CACNA1C: variants seen among roughly 807,000 people sequenced by gnomAD.
CACNA1C encodes calcium voltage-gated channel subunit alpha1 C, also known as voltage-dependent L-type calcium channel subunit alpha-1C.
A neutral mutation model predicts 229.0 loss-of-function variants in CACNA1C; 30 were observed. The ratio of observed to expected loss-of-function variants is 0.13; its 90% CI spans 0.10 to 0.18. The LOEUF (loss-of-function observed/expected upper bound fraction) is 0.18, where lower values mean the gene tolerates loss of function less well. CACNA1C is among the 10% of genes least tolerant of loss of function. The pLI is 1.00. For synonymous variants in CACNA1C, 1,114 were observed against 1,132.5 expected (o/e 0.98, Z 0.33); for missense variants, 1,658 against 2,845.0 (o/e 0.58, Z 9.49).
chr12:2,539,012 T>C (rs1343398152), intron 9 of CACNA1C, among the ~76,000 whole-genome samples: 1 of 152,212 alleles, frequency 6.6e-6, no homozygotes. Context: ...CTGATGGGGC[T>C]GAAAAAGGCC....
intron 3 of CACNA1C, among the ~76,000 whole-genome samples, chr12:2,349,819 G>A (rs1051625459): frequency 4.6e-5 from 7 of 152,146 alleles, no homozygotes; most frequent in Non-Finnish European, 8.8e-5. Flanking sequence ...AGCACCCTCC[G>A]AAAGGGGCTC....
chr12:2,061,971 A>C (rs1039408317), intron 1 of CACNA1C, among the ~76,000 whole-genome samples: 1 of 152,232 alleles, frequency 6.6e-6, no homozygotes, highest in East Asian at 1.9e-4. Flanking sequence ...TCAAAATAGG[A>C]AAGAGCTTTA....
intron 18 of CACNA1C, among the ~76,000 whole-genome samples, chr12:2,586,132 C>T (rs543737137): frequency 6.6e-6 from 1 of 152,256 alleles, no homozygotes; most frequent in East Asian, 1.9e-4. Context: ...TTGAGCAGTG[C>T]TTTTGTGTCC....
At chr12:2,669,171 G>T (rs930045630) in intron 38 of CACNA1C, 136 bp downstream of exon 38, 2 of 698,408 alleles carry the variant, frequency 2.9e-6, no homozygotes, top group Non-Finnish European at 5.2e-6. Flanking sequence ...CGGGGGTAAC[G>T]TGCGCTCCAG....
At chr12:2,321,201 T>C (rs897881369) in intron 3 of CACNA1C, among the ~76,000 whole-genome samples, 8 of 151,290 alleles carry the variant, frequency 5.3e-5, no homozygotes, top group Non-Finnish European at 1.2e-4. Flanking sequence ...GGGCTTTTTC[T>C]GGCTTCCAAG....
chr12:2,638,350 G>A (rs75982736), intron 30 of CACNA1C, among the ~76,000 whole-genome samples: 5 of 152,000 alleles, frequency 3.3e-5, no homozygotes, highest in Non-Finnish European at 5.9e-5. Context: ...TGTGGAGATC[G>A]GGAGAAGAGG....
chr12:2,173,982 C>G (rs1015123225), intron 3 of CACNA1C, among the ~76,000 whole-genome samples: 1 of 152,048 alleles, frequency 6.6e-6, no homozygotes, highest in Non-Finnish European at 1.5e-5. Flanking sequence ...TAGCCCCCTT[C>G]CCCCTTAGAA....
rs921257588 is a variant in CACNA1C at position 2,597,170 on chromosome 12, C to A, written c.2794-60C>A. On this transcript the variant is annotated intron_variant, in intron 20 of 46. Coordinates refer to ENST00000399655, the MANE Select transcript of CACNA1C (RefSeq NM_000719.7). This position sits in a 1 kb window ranked among gnomAD's most constrained non-coding sequence, Gnocchi z 4.3. ...TGGTGAACATCCACTGACCTCTCTT[C>A]CCGTCCTGCTTTTCTCCCTTCCCCA... 1 of 1,096,802 alleles carries A rather than the reference C, an allele frequency of 9.1e-7. No individual in the cohort carries two copies. Among genetic ancestry groups the A allele is most frequent in the Non-Finnish European group, 1.4e-6 (1 of 717,658 alleles). The allele number at this position is 1,096,802 out of a possible 1,614,324, so 67.9% of individuals were successfully genotyped here. A position where few individuals can be genotyped will look rare whatever the true frequency, so the allele number is the denominator to read the frequency against.
Position 2,630,299 on chromosome 12 carries a change from C to G in CACNA1C, c.3829-3998C>G, listed in dbSNP as rs145591113. Among the ~76,000 whole-genome samples the G allele has an allele frequency of 6.1e-4, 93 of 152,264 alleles. No individual in the cohort carries two copies. Among genetic ancestry groups the G allele is most frequent in the African/African-American group, 2.0e-3 (83 of 41,550 alleles). The stretch of plus-strand genomic sequence containing the variant: ...CTTCTCCATTACACCCTTAAAACCC[C>G]TATTACTAATGGTTTCCAGCAACCG... On this transcript the variant is annotated intron_variant, in intron 29 of 46. Transcript: ENST00000399655. The surrounding 1 kb of genome is among the most constrained non-coding windows in gnomAD (Gnocchi z 5.4).
chr12:2,688,691 G>T lies in CACNA1C; in HGVS notation c.6029G>T (p.Arg2010Ile), dbSNP rs754647829. The change falls in exon 46 of 47, where the codon AGA (arginine) becomes ATA (isoleucine). Residue 2010 changes from arginine to isoleucine, a missense_variant. Physicochemically the swap from Arg to Ile is moderately conservative, Grantham distance 97. Around this residue, in one of 20 missense-constraint regions of CACNA1C, gnomAD observed 590 missense variants for 700.8 expected, o/e 0.84. Coordinates refer to ENST00000399655, the MANE Select transcript of CACNA1C (RefSeq NM_000719.7). The stretch of plus-strand genomic sequence containing the variant: ...GGCGGGGGCAGCAGCGCCGCCCGGA[G>T]AGTCCGGCCCGTCTCCCTCATGGTG... ...PGGGGSSAARRVRPVSLMVPS... is the reference protein window; with the variant it reads ...PGGGGSSAARIVRPVSLMVPS... 5.6e-6 allele frequency: 9 copies of T among 1,612,496 alleles called. No individual in the cohort carries two copies. In the African/African-American group the frequency reaches 9.3e-5, roughly 17 times the overall value.
rs1603457578 is a variant in CACNA1C, at chr12:2,682,587, CAGG to C, written c.5488_5490del (p.Glu1830del). On this transcript the variant is annotated inframe_deletion, in exon 43 of 47. Transcript: ENST00000399655. The stretch of plus-strand genomic sequence containing the variant: ...GGAGAGCCAGGCAGCCATGGCGGGT[CAGG>C]AGGAGACGTCTCAGGATGAGACCTA... The C allele has an allele frequency of 6.2e-7, 1 of 1,612,346 alleles. No homozygotes were observed. Among genetic ancestry groups the C allele is most frequent in the Admixed American group, 1.7e-5 (1 of 59,868 alleles).
chr12:2,038,807 T>C (rs1433206674), intron 1 of CACNA1C, among the ~76,000 whole-genome samples: 1 of 152,102 alleles, frequency 6.6e-6, no homozygotes, highest in Non-Finnish European at 1.5e-5. Flanking sequence ...GATGTTTTTT[T>C]CCCCATGCAA....
intron 1 of CACNA1C, among the ~76,000 whole-genome samples, chr12:1,973,364 TCTAAATAAATTAATGTTATTAGAAAG>T (rs1298355097): frequency 1.3e-5 from 2 of 152,166 alleles, no homozygotes; most frequent in Non-Finnish European, 2.9e-5. Context: ...ACCTCCCCTT[TCTAAATAAATTAATGTTATTAGAAAG>T]TTAATGCCAT....
intron 5 of CACNA1C, among the ~76,000 whole-genome samples, chr12:2,461,499 C>A (rs529148974): frequency 1.4e-3 from 206 of 152,274 alleles, no homozygotes; most frequent in Non-Finnish European, 2.3e-3. Flanking sequence ...TAAATATAAT[C>A]TATGTATCTT....
At chr12:2,079,296 T>A (rs1028384052) in intron 1 of CACNA1C, among the ~76,000 whole-genome samples, 1 of 151,840 alleles carries the variant, frequency 6.6e-6, no homozygotes, top group East Asian at 1.9e-4. Flanking sequence ...TAAAAAAAAA[T>A]AGTTAAGATG....
In CACNA1C at chr12:2,354,423, A is replaced by G. The variant is rs1593834369; in HGVS notation, c.478-94553A>G. Among the ~76,000 whole-genome samples, 1 of 152,322 alleles carries G rather than the reference A, an allele frequency of 6.6e-6. No individual in the cohort carries two copies. The highest frequency in any genetic ancestry group is 1.9e-4 in the East Asian group (1 of 5,180). On this transcript the variant is annotated intron_variant, in intron 3 of 46. Transcript: ENST00000399655. This position sits in a 1 kb window ranked among gnomAD's most constrained non-coding sequence, Gnocchi z 4.6. ...TAGAGGAGCGAAAACACAGCTAGCC[A>G]GGGCTGCAGCTATGACTGCAGCCTG...
At chr12:2,072,753 A>G (rs1317975802) in intron 1 of CACNA1C, among the ~76,000 whole-genome samples, 1 of 152,186 alleles carries the variant, frequency 6.6e-6, no homozygotes, top group East Asian at 1.9e-4. Context: ...TATTGGGTAT[A>G]TGTCAGGTAT....
At chr12:2,577,075 CAAAGG>C (rs2058678545) in intron 13 of CACNA1C, among the ~76,000 whole-genome samples, 1 of 152,212 alleles carries the variant, frequency 6.6e-6, no homozygotes, top group African/African-American at 2.4e-5. Context: ...TATCCTGCTG[CAAAGG>C]AAAGGAAAGG....
In CACNA1C at chr12:2,479,880, C is replaced by T. The variant is rs142666051; in HGVS notation, c.758-6224C>T. 1.6e-4 allele frequency among the ~76,000 whole-genome samples: 25 copies of T among 152,248 alleles called. 1 individual carries two copies. Among genetic ancestry groups the T allele is most frequent in the East Asian group, 5.8e-4 (3 of 5,170 alleles). On this transcript the variant is annotated intron_variant, in intron 5 of 46. Transcript: ENST00000399655. This position sits in a 1 kb window ranked among gnomAD's most constrained non-coding sequence, Gnocchi z 4.3. Reference sequence around the variant, plus strand: ...GTATTGGCAGAATCTCACATGGTGCCGCAGCCCTCTCTTCTGTTGGATTGG... The same window carrying T: ...GTATTGGCAGAATCTCACATGGTGCTGCAGCCCTCTCTTCTGTTGGATTGG...
Sources: allele counts gnomAD v4.1 joint callset (sites outside exome capture counted in the v4.1 genomes callset), GRCh38; gene constraint gnomAD v4.1.1; regional missense constraint gnomAD v4.1.1; non-coding constraint Gnocchi (gnomAD v3.1); transcripts MANE v1.5; gene names NCBI Gene and HGNC (gene_info 2026-07-23, HGNC 2026-07-21).